TRPM3: variants seen among roughly 807,000 people sequenced by gnomAD.
The protein encoded by TRPM3 is transient receptor potential cation channel subfamily M member 3, also known as long transient receptor potential channel 3.
In TRPM3, 77 loss-of-function variants were observed where a neutral mutation model predicts 181.2. The observed-to-expected ratio is 0.42, with a 90% CI of 0.35 to 0.51. TRPM3 has a LOEUF of 0.51. TRPM3 is among the 20% of genes least tolerant of loss of function. The probability of loss-of-function intolerance (pLI) is 0.01; values close to 1 mark genes in which losing one functional copy is unlikely to be tolerated. For synonymous variants in TRPM3, 745 were observed against 796.4 expected (o/e 0.94, Z 1.09); for missense variants, 1,759 against 2,196.7 (o/e 0.80, Z 3.98).
chr9:70,686,586 C>T (rs2066836823), intron 8 of TRPM3, among the ~76,000 whole-genome samples: 1 of 88,378 alleles, frequency 1.1e-5, no homozygotes, highest in Admixed American at 1.1e-4. Context: ...CCCTCCCTCC[C>T]TCCCTCCCTC....
chr9:71,235,223 C>T lies in TRPM3; in HGVS notation c.183+211430G>A, dbSNP rs116086413. The stretch of plus-strand genomic sequence containing the variant: ...AACTCACCTATTCAGGACTCTGCTC[C>T]ATAAATGGCTCCTCTTCAGAGAGGC... On this transcript the variant is annotated intron_variant, in intron 1 of 24. Transcript: ENST00000357533. Among the ~76,000 whole-genome samples the T allele has an allele frequency of 4.1e-3, 625 of 152,366 alleles. 6 individuals carry two copies. Among genetic ancestry groups the T allele is most frequent in the African/African-American group, 0.014 (599 of 41,578 alleles).
At chr9:71,444,124 A>G (rs1407269889) in intron 1 of TRPM3, among the ~76,000 whole-genome samples, 1 of 147,884 alleles carries the variant, frequency 6.8e-6, no homozygotes, top group South Asian at 2.2e-4. Flanking sequence ...AGTTGCAGTG[A>G]GCCAAGATTG....
intron 1 of TRPM3, among the ~76,000 whole-genome samples, chr9:71,424,277 C>G (rs2093825362): frequency 6.6e-6 from 1 of 152,092 alleles, no homozygotes; most frequent in South Asian, 2.1e-4. Context: ...CATTTATTAC[C>G]TTGTGGCAAG....
intron 21 of TRPM3, 61 bp downstream of exon 21, chr9:70,598,354 CTCTA>C: frequency 9.5e-6 from 15 of 1,572,412 alleles, no homozygotes; most frequent in East Asian, 2.3e-5. Flanking sequence ...AATTATTTCC[CTCTA>C]TCTATTATCA....
chr9:70,600,489 G>A (rs1564503043), intron 20 of TRPM3, among the ~76,000 whole-genome samples: 1 of 151,930 alleles, frequency 6.6e-6, no homozygotes, highest in Non-Finnish European at 1.5e-5. Context: ...TTTTTCACAG[G>A]CAGTGTCCTG....
At chr9:71,203,395 G>T (rs4745068) in intron 1 of TRPM3, among the ~76,000 whole-genome samples, 65,265 of 151,976 alleles carry the variant, frequency 0.43, 14,402 homozygotes, top group East Asian at 0.52. Context: ...TAAGTTGTAA[G>T]CAAATCCACT....
intron 7 of TRPM3, among the ~76,000 whole-genome samples, chr9:70,769,406 T>A (rs956124920): frequency 6.6e-6 from 1 of 152,158 alleles, no homozygotes; most frequent in Non-Finnish European, 1.5e-5. Flanking sequence ...CTTTTTCTTT[T>A]TTCATCTTTT....
chr9:70,847,907 C>T (rs1240917018), intron 3 of TRPM3, among the ~76,000 whole-genome samples: 3 of 152,154 alleles, frequency 2.0e-5, no homozygotes, highest in African/African-American at 7.2e-5. Flanking sequence ...TGGAGATTCT[C>T]TGTGGAAGAA....
At chr9:71,335,881 C>CA (rs1460998425) in intron 1 of TRPM3, among the ~76,000 whole-genome samples, 4 of 152,072 alleles carry the variant, frequency 2.6e-5, no homozygotes, top group African/African-American at 4.8e-5. Flanking sequence ...TCTGACTCTG[C>CA]ATATGAACAG....
At chr9:71,042,510 C>T (rs1304867379) in intron 1 of TRPM3, among the ~76,000 whole-genome samples, 4 of 151,900 alleles carry the variant, frequency 2.6e-5, no homozygotes, top group Non-Finnish European at 5.9e-5. Flanking sequence ...GATAAATGTC[C>T]CATAAGTGGC....
At chr9:71,175,078 G>C (rs1587787911) in intron 1 of TRPM3, among the ~76,000 whole-genome samples, 1 of 152,306 alleles carries the variant, frequency 6.6e-6, no homozygotes, top group East Asian at 1.9e-4. Context: ...ACGACAGATG[G>C]AGGTGAACAT....
intron 1 of TRPM3, among the ~76,000 whole-genome samples, chr9:70,944,718 C>T (rs2096916104): frequency 6.6e-6 from 1 of 152,006 alleles, no homozygotes; most frequent in Non-Finnish European, 1.5e-5. Flanking sequence ...ACAAATTTCC[C>T]TTCAGTTTTT....
chr9:70,757,521 G>A (rs2077289975), intron 8 of TRPM3, among the ~76,000 whole-genome samples: 1 of 152,108 alleles, frequency 6.6e-6, no homozygotes. Context: ...ACCTGGCAGA[G>A]ACACAACAAC....
At chr9:71,027,654 C>A (rs1054258639) in intron 1 of TRPM3, among the ~76,000 whole-genome samples, 1 of 152,130 alleles carries the variant, frequency 6.6e-6, no homozygotes, top group Non-Finnish European at 1.5e-5. Context: ...ACTCTACAAG[C>A]ATTTCATAAT....
chr9:71,395,154 C>A (rs943270334), intron 1 of TRPM3, among the ~76,000 whole-genome samples: 7 of 152,308 alleles, frequency 4.6e-5, no homozygotes, highest in African/African-American at 1.7e-4. Context: ...CTCTTCCCAG[C>A]CTTTCGTTTT....
intron 22 of TRPM3, among the ~76,000 whole-genome samples, chr9:70,559,393 A>G (rs1448247149): frequency 6.6e-6 from 1 of 152,224 alleles, no homozygotes; most frequent in African/African-American, 2.4e-5. Flanking sequence ...CTGTGAGAGC[A>G]AAAAACTGAC....
intron 16 of TRPM3, 150 bp downstream of exon 16, chr9:70,619,926 A>T (rs1320607964): frequency 2.8e-6 from 2 of 721,292 alleles, no homozygotes; most frequent in African/African-American, 3.5e-5. Context: ...TGTGCACAAT[A>T]AAGGGGAATT....
chr9:70,892,720 A>G (rs770325050), intron 1 of TRPM3, among the ~76,000 whole-genome samples: 1 of 152,086 alleles, frequency 6.6e-6, no homozygotes, highest in Non-Finnish European at 1.5e-5. Flanking sequence ...GTAGCTCAAG[A>G]GTTTTCAATT....
chr9:71,231,286 A>G (rs2081032935), intron 1 of TRPM3, among the ~76,000 whole-genome samples: 1 of 152,178 alleles, frequency 6.6e-6, no homozygotes, highest in Non-Finnish European at 1.5e-5. Context: ...CTTGTAAGAG[A>G]GAAGTAAGAG....
Sources: gnomAD v4.1 joint callset for allele counts (sites outside exome capture counted in the v4.1 genomes callset) on GRCh38, gnomAD v4.1.1 for gene constraint, MANE v1.5 for transcripts, NCBI Gene and HGNC (gene_info 2026-07-23, HGNC 2026-07-21) for gene names.